ZHX3: variants seen among roughly 807,000 people sequenced by gnomAD.
The protein encoded by ZHX3 is zinc fingers and homeoboxes protein 3.
Under a neutral mutation model 64.5 loss-of-function variants are expected in ZHX3, and 20 were observed. The observed-to-expected ratio is 0.31, with a 90% CI of 0.22 to 0.45. The LOEUF is 0.45. Ranked by LOEUF, ZHX3 falls within the 20% of genes least tolerant of loss-of-function variation. The pLI is 1.00. For missense variants in ZHX3, 1,041 were observed against 1,195.8 expected (o/e 0.87, Z 1.91); for synonymous variants, 423 against 461.6 (o/e 0.92, Z 1.07).
intron 2 of ZHX3, among the ~76,000 whole-genome samples, chr20:41,217,567 CCA>C (rs1485517528): frequency 2.0e-5 from 3 of 152,166 alleles, no homozygotes; most frequent in African/African-American, 7.2e-5. Context: ...TCAGATGCAG[CCA>C]CCCACCCTAC....
intron 2 of ZHX3, among the ~76,000 whole-genome samples, chr20:41,258,171 A>T (rs182110295): frequency 7.9e-4 from 120 of 152,296 alleles, no homozygotes; most frequent in African/African-American, 2.7e-3. Context: ...AAGTGCTGGG[A>T]TTACAGGAGT....
intron 2 of ZHX3, among the ~76,000 whole-genome samples, chr20:41,264,382 A>C (rs2042722011): frequency 7.5e-6 from 1 of 133,256 alleles, no homozygotes; most frequent in East Asian, 2.4e-4. Context: ...TCTACCAAAA[A>C]TACAAAAAAA....
intron 2 of ZHX3, among the ~76,000 whole-genome samples, chr20:41,243,710 A>G (rs1043619275): frequency 4.6e-5 from 7 of 152,138 alleles, no homozygotes; most frequent in African/African-American, 1.4e-4. Flanking sequence ...TGGGATTTCA[A>G]TGGTCATCCT....
chr20:41,198,850 T>G (rs1223040257), intron 3 of ZHX3, among the ~76,000 whole-genome samples: 1 of 152,166 alleles, frequency 6.6e-6, no homozygotes, highest in Non-Finnish European at 1.5e-5. Context: ...ATATAATAAC[T>G]ATATGAATAT....
intron 1 of ZHX3, among the ~76,000 whole-genome samples, chr20:41,279,978 A>G (rs909334553): frequency 6.6e-5 from 10 of 152,162 alleles, no homozygotes; most frequent in Non-Finnish European, 1.3e-4. Flanking sequence ...TGTTCTCAGA[A>G]AGGCTAAGGT....
At chr20:41,265,628 C>G (rs903228954) in intron 2 of ZHX3, among the ~76,000 whole-genome samples, 5 of 152,162 alleles carry the variant, frequency 3.3e-5, no homozygotes, top group Non-Finnish European at 5.9e-5. Context: ...GTCCACACCT[C>G]CCCCAAGACA....
At chr20:41,229,654 T>C (rs949229120) in intron 2 of ZHX3, among the ~76,000 whole-genome samples, 7 of 152,184 alleles carry the variant, frequency 4.6e-5, no homozygotes, top group Non-Finnish European at 1.0e-4. Context: ...TGCCTAATTA[T>C]ATTAACGTTG....
At chr20:41,238,112 G>A (rs2041134606) in intron 2 of ZHX3, among the ~76,000 whole-genome samples, 1 of 152,050 alleles carries the variant, frequency 6.6e-6, no homozygotes, top group African/African-American at 2.4e-5. Flanking sequence ...CAAAAACCGG[G>A]GTCAATCATT....
At position 41,203,277 on chromosome 20, in the gene ZHX3, T is replaced by A. The variant is rs2038408348; in HGVS notation, c.1640A>T (p.Tyr547Phe). The A allele has an allele frequency of 1.2e-6, 2 of 1,614,062 alleles. No individual in the cohort carries two copies. Among genetic ancestry groups the A allele is most frequent in the East Asian group, 2.2e-5 (1 of 44,888 alleles). ...EVRKWFSDRR[Y>F]HCRNLKGSRA... ...GGAGCCCTTCAAGTTCCGGCAGTGG[T>A]ATCTACGATCACTGAACCATTTCCG... The change falls in exon 3 of 4, where the codon TAC (tyrosine) becomes TTC (phenylalanine). Residue 547 changes from tyrosine (Y) to phenylalanine (F), a missense_variant. By Grantham distance (22) the Tyr-to-Phe change is conservative. Coordinates refer to ENST00000683867, the MANE Select transcript of ZHX3 (RefSeq NM_001384317.1). This position sits in a 1 kb window ranked among gnomAD's most constrained non-coding sequence, Gnocchi z 7.1.
intron 2 of ZHX3, among the ~76,000 whole-genome samples, chr20:41,221,226 T>C (rs2039923718): frequency 6.6e-6 from 1 of 152,192 alleles, no homozygotes; most frequent in South Asian, 2.1e-4. Flanking sequence ...AGCGTATTTA[T>C]CACCTTCCTT....
At chr20:41,314,886 G>A (rs2045242119) in intron 1 of ZHX3, among the ~76,000 whole-genome samples, 2 of 152,116 alleles carry the variant, frequency 1.3e-5, no homozygotes, top group Admixed American at 6.5e-5. Flanking sequence ...TACCCACAAT[G>A]GGCCAGGTGC....
chr20:41,263,328 G>A (rs1157424567), intron 2 of ZHX3, among the ~76,000 whole-genome samples: 3 of 149,934 alleles, frequency 2.0e-5, no homozygotes, highest in Admixed American at 6.6e-5. Context: ...CTGTGCTACC[G>A]AAAAATAAAA....
At chr20:41,292,361 A>G (rs2044291703) in intron 1 of ZHX3, among the ~76,000 whole-genome samples, 1 of 152,210 alleles carries the variant, frequency 6.6e-6, no homozygotes, top group Non-Finnish European at 1.5e-5. Context: ...TACAAAATAA[A>G]CAAGTGCAAA....
In ZHX3 at chr20:41,227,336, C is replaced by A. The variant is rs139954095; in HGVS notation, c.-150-22270G>T. ...GAGGAATAGTGCTCAGTACCTGAGC[C>A]TTCTCTAATCTAAAACGCAATAAAG... On this transcript the variant is annotated intron_variant, in intron 2 of 3. Coordinates refer to ENST00000683867, the MANE Select transcript of ZHX3 (RefSeq NM_001384317.1). 2.0e-5 allele frequency among the ~76,000 whole-genome samples: 3 copies of A among 152,302 alleles called. No individual in the cohort carries two copies. In the South Asian group the frequency reaches 6.2e-4, roughly 32 times the overall value.
At chr20:41,288,894 T>C (rs551708649) in intron 1 of ZHX3, among the ~76,000 whole-genome samples, 2 of 152,360 alleles carry the variant, frequency 1.3e-5, no homozygotes, top group African/African-American at 4.8e-5. Flanking sequence ...GTTTTGCAAT[T>C]ATTTAATACT....
At chr20:41,263,769 T>A (rs2042683754) in intron 2 of ZHX3, among the ~76,000 whole-genome samples, 1 of 152,130 alleles carries the variant, frequency 6.6e-6, no homozygotes, top group South Asian at 2.1e-4. Context: ...TTTGAAGGAT[T>A]CATAAGAAAC....
chr20:41,211,608 C>CT (rs934378868), intron 2 of ZHX3, among the ~76,000 whole-genome samples: 7 of 152,052 alleles, frequency 4.6e-5, no homozygotes, highest in Non-Finnish European at 5.9e-5. Context: ...CACATTTGTG[C>CT]TTTTTTCACC....
intron 2 of ZHX3, among the ~76,000 whole-genome samples, chr20:41,231,706 A>G (rs546072283): frequency 6.6e-6 from 1 of 152,320 alleles, no homozygotes; most frequent in Admixed American, 6.5e-5. Flanking sequence ...TAATAAATGA[A>G]TAAAATGCAG....
In ZHX3 at chr20:41,185,352, C is replaced by A; in HGVS notation, c.2861-151G>T. On this transcript the variant is annotated intron_variant, in intron 3 of 3. Transcript: ENST00000683867. This position sits in a 1 kb window ranked among gnomAD's most constrained non-coding sequence, Gnocchi z 5.0. ...GAATGGCCTTCTGCCACCCACTCCC[C>A]CACCCTCCAGCCTGAGGGAATGTGG... 2 of 945,178 alleles carry A rather than the reference C, an allele frequency of 2.1e-6. No individual in the cohort carries two copies. Among genetic ancestry groups the A allele is most frequent in the Non-Finnish European group, 3.1e-6 (2 of 635,880 alleles). The allele number at this position is 945,178 out of a possible 1,614,324, so 58.5% of individuals were successfully genotyped here.
Sources: gnomAD v4.1 joint callset for allele counts (sites outside exome capture counted in the v4.1 genomes callset) on GRCh38, gnomAD v4.1.1 for gene constraint, Gnocchi (gnomAD v3.1) non-coding constraint, MANE v1.5 for transcripts, NCBI Gene and HGNC (gene_info 2026-07-23, HGNC 2026-07-21) for gene names.